ERI1: variants seen among roughly 807,000 people sequenced by gnomAD.
ERI1 encodes the protein 3'-5' exoribonuclease 1.
A neutral mutation model predicts 39.7 loss-of-function variants in ERI1; 39 were observed. That is an observed-to-expected ratio of 0.98 (90% CI 0.76 to 1.28). The LOEUF is 1.28. Ranked by LOEUF, ERI1 falls within the 50% of genes most tolerant of loss-of-function variation. ERI1 has a pLI of 0.00. For missense variants in ERI1, 581 were observed against 416.9 expected (o/e 1.39, Z -3.43); for synonymous variants, 204 against 149.6 (o/e 1.36, Z -2.65).
At chr8:9,045,678 T>A (rs894587639) in intron 3 of ERI1, among the ~76,000 whole-genome samples, 13 of 95,494 alleles carry the variant, frequency 1.4e-4, no homozygotes, top group African/African-American at 8.1e-4. Context: ...TCTATAGAAT[T>A]TTTTTTTTTT....
intron 3 of ERI1, 77 bp from the exon 4 acceptor site, chr8:9,016,245 G>A (rs1585203403): frequency 1.3e-6 from 1 of 793,930 alleles, no homozygotes; most frequent in Non-Finnish European, 2.0e-6. Context: ...AACCTGCTGT[G>A]ATGAATTCGT....
chr8:9,023,385 T>G (rs1234378753), intron 6 of ERI1, among the ~76,000 whole-genome samples: 1 of 152,158 alleles, frequency 6.6e-6, no homozygotes, highest in Non-Finnish European at 1.5e-5. Context: ...AACTCCCAGA[T>G]GGAATAATTT....
At chr8:9,024,328 G>A (rs868063614) in intron 6 of ERI1, among the ~76,000 whole-genome samples, 3 of 152,126 alleles carry the variant, frequency 2.0e-5, no homozygotes, top group Non-Finnish European at 2.9e-5. Context: ...TTCTTTGTGC[G>A]TGGCATATCA....
intron 5 of ERI1, among the ~76,000 whole-genome samples, chr8:9,019,808 C>T (rs1162498700): frequency 1.3e-5 from 2 of 152,140 alleles, no homozygotes; most frequent in East Asian, 3.8e-4. Context: ...ATAATTTCCA[C>T]TGCTATTATT....
chr8:9,033,821 C>T (rs1797748769), downstream of ERI1, among the ~76,000 whole-genome samples: 2 of 152,084 alleles, frequency 1.3e-5, no homozygotes, highest in South Asian at 4.1e-4. Context: ...CCTGATATTC[C>T]AGGAACAGGT....
intron 1 of ERI1, chr8:9,004,000 G>A: frequency 2.0e-6 from 2 of 1,019,012 alleles, no homozygotes; most frequent in Admixed American, 4.6e-5. Flanking sequence ...ACTTCCATTT[G>A]CTGCTCTGCG....
chr8:9,024,229 G>C (rs1181639011), intron 6 of ERI1, among the ~76,000 whole-genome samples: 1 of 152,106 alleles, frequency 6.6e-6, no homozygotes, highest in African/African-American at 2.4e-5. Context: ...GATGGGACTT[G>C]GTTTTTCTAA....
At chr8:9,085,299 C>A (rs1372250940) in intron 3 of ERI1, among the ~76,000 whole-genome samples, 1 of 152,162 alleles carries the variant, frequency 6.6e-6, no homozygotes, top group Non-Finnish European at 1.5e-5. Flanking sequence ...AACTCTGCCT[C>A]CTGGGTTCAA....
chr8:9,015,805 TCTTAAA>T (rs763294651), intron 3 of ERI1, among the ~76,000 whole-genome samples: 1 of 151,040 alleles, frequency 6.6e-6, no homozygotes, highest in Non-Finnish European at 1.5e-5. Flanking sequence ...TGTTAGCAAC[TCTTAAA>T]CTACCTATAT....
chr8:9,038,711 C>G (rs1015242436), intron 3 of ERI1, among the ~76,000 whole-genome samples: 2 of 152,156 alleles, frequency 1.3e-5, no homozygotes, highest in African/African-American at 4.8e-5. Flanking sequence ...GCACGGAGAT[C>G]TATTTATTGT....
intron 1 of ERI1, among the ~76,000 whole-genome samples, chr8:9,005,468 A>G (rs973815497): frequency 1.3e-5 from 2 of 152,078 alleles, no homozygotes; most frequent in Non-Finnish European, 2.9e-5. Context: ...CTTTTTGTAA[A>G]AGAAAATTTG....
downstream of ERI1, among the ~76,000 whole-genome samples, chr8:9,035,324 A>G (rs1797808441): frequency 6.6e-6 from 1 of 152,126 alleles, no homozygotes; most frequent in Non-Finnish European, 1.5e-5. Flanking sequence ...GCTGGAGAGA[A>G]GTCAGTGCTT....
Position 9,030,205 on chromosome 8 carries a change from A to C in ERI1, c.*171A>C. 1 of 859,158 alleles carries C rather than the reference A, an allele frequency of 1.2e-6. No homozygotes were observed. Among genetic ancestry groups the C allele is most frequent in the Non-Finnish European group, 1.7e-6 (1 of 576,348 alleles). 53.2% of individuals were successfully genotyped at this position (859,158 alleles called of 1,614,324 possible). A position where few individuals can be genotyped will look rare whatever the true frequency, so the allele number is the denominator to read the frequency against. On this transcript the variant is annotated 3_prime_UTR_variant, in exon 7 of 7. Transcript: ENST00000250263. ...ATGTGAACAGATTTTGTAGGAAGGC[A>C]TACTGAATTCTTTGTCACCAGCACT...
intron 3 of ERI1, among the ~76,000 whole-genome samples, chr8:9,066,846 G>A (rs1192238064): frequency 1.3e-5 from 2 of 152,058 alleles, no homozygotes; most frequent in African/African-American, 2.4e-5. Flanking sequence ...GTTGGTGATC[G>A]CCTTGCCTCA....
chr8:9,054,066 G>A (rs566666232), intron 3 of ERI1, among the ~76,000 whole-genome samples: 52 of 152,122 alleles, frequency 3.4e-4, no homozygotes, highest in African/African-American at 1.2e-3. Context: ...CACATATGAA[G>A]TTGACCAGAT....
intron 3 of ERI1, among the ~76,000 whole-genome samples, chr8:9,073,185 C>A (rs560704370): frequency 6.6e-6 from 1 of 152,320 alleles, no homozygotes; most frequent in Admixed American, 6.5e-5. Context: ...CGGCTTTGTC[C>A]TTGATTTTGG....
Position 9,011,537 on chromosome 8 carries a change from C to T in ERI1, c.288-5C>T, listed in dbSNP as rs1039685988. The T allele has an allele frequency of 1.3e-6, 2 of 1,586,130 alleles. No individual in the cohort carries two copies. The highest frequency in any genetic ancestry group is 2.7e-5 in the African/African-American group (2 of 73,514). On this transcript the variant is annotated splice_polypyrimidine_tract_variant and splice_region_variant and intron_variant, in intron 2 of 6. Coordinates refer to ENST00000250263, the MANE Select transcript of ERI1 (RefSeq NM_153332.4). ...AAGTGTAACTAGTCTTCTTCTTCTA[C>T]TTAGAGGAGTAAAGGATGTTCTAAA...
intron 3 of ERI1, among the ~76,000 whole-genome samples, chr8:9,042,561 G>A (rs182072713): frequency 3.6e-4 from 55 of 152,260 alleles, no homozygotes; most frequent in African/African-American, 1.2e-3. Context: ...AGGAGGTAGC[G>A]TCATTTGTCA....
intron 1 of ERI1, 143 bp from the exon 2 acceptor site, chr8:9,007,827 G>T: frequency 8.0e-7 from 1 of 1,244,602 alleles, no homozygotes. Flanking sequence ...CTCCGTTTAG[G>T]AGCTGCAGTG....
Sources: allele counts gnomAD v4.1 joint callset (sites outside exome capture counted in the v4.1 genomes callset), GRCh38; gene constraint gnomAD v4.1.1; transcripts MANE v1.5; gene names NCBI Gene and HGNC (gene_info 2026-07-23, HGNC 2026-07-21).